Variants in USH2A observed in about 807,000 individuals in gnomAD.
USH2A encodes Usher syndrome 2A (autosomal recessive, mild).
USH2A carries 443 observed loss-of-function variants against 538.9 expected under a neutral mutation model. That is an observed-to-expected ratio of 0.82 (90% confidence interval 0.76 to 0.89). The LOEUF (loss-of-function observed/expected upper bound fraction) is 0.89, where lower values mean the gene tolerates loss of function less well. Ranked by LOEUF, USH2A falls within the 40% of genes least tolerant of loss-of-function variation. The probability of loss-of-function intolerance (pLI) is 0.00; values close to 1 mark genes in which losing one functional copy is unlikely to be tolerated. For missense variants in USH2A, 6,633 were observed against 6,324.8 expected, an observed-to-expected ratio of 1.05 and a Z score of -1.65; for synonymous variants, 2,413 against 2,273.5, an observed-to-expected ratio of 1.06 and a Z score of -1.75.
intron 32 of USH2A, among the ~76,000 whole-genome samples, chr1:216,016,931 G>T (rs940342421): frequency 6.6e-6 from 1 of 151,740 alleles, no homozygotes; most frequent in African/African-American, 2.4e-5. Flanking sequence ...GAAGGATGAT[G>T]CTTCTTCATT....
At chr1:216,339,208 T>C (rs2038029269) in intron 4 of USH2A, among the ~76,000 whole-genome samples, 1 of 151,562 alleles carries the variant, frequency 6.6e-6, no homozygotes, top group Non-Finnish European at 1.5e-5. Context: ...TCAAAATGGG[T>C]AATTCTCAGA....
chr1:216,128,469 A>G (rs1306434708), intron 21 of USH2A, among the ~76,000 whole-genome samples: 1 of 152,114 alleles, frequency 6.6e-6, no homozygotes, highest in African/African-American at 2.4e-5. Context: ...TGCCTTTCAT[A>G]TGATTACCCT....
chr1:216,414,470 T>A (rs1406093194), intron 3 of USH2A, among the ~76,000 whole-genome samples: 1 of 152,118 alleles, frequency 6.6e-6, no homozygotes, highest in Non-Finnish European at 1.5e-5. Context: ...TATGTCTGGA[T>A]TTCCTGACAT....
intron 35 of USH2A, among the ~76,000 whole-genome samples, chr1:215,986,539 AAAC>A (rs1267017502): frequency 1.3e-5 from 2 of 152,138 alleles, no homozygotes; most frequent in South Asian, 2.1e-4. Flanking sequence ...TGCAGAGCAC[AAAC>A]AAGACAAGTC....
chr1:215,692,173 A>C (rs1484382079), intron 61 of USH2A, among the ~76,000 whole-genome samples: 1 of 152,166 alleles, frequency 6.6e-6, no homozygotes, highest in East Asian at 1.9e-4. Context: ...TCGTCTTGAT[A>C]TGAGCCTTTT....
chr1:215,783,036 T>C (rs1004596255), intron 52 of USH2A, 101 bp from the exon 53 acceptor site: 1 of 1,083,752 alleles, frequency 9.2e-7, no homozygotes, highest in African/African-American at 1.6e-5. Context: ...TAAAAATAAA[T>C]GTTTAATGCT....
At chr1:216,394,735 T>TTTTTTTTTTTTTTTTTTTTTTTTTA (rs1558069161) in intron 3 of USH2A, among the ~76,000 whole-genome samples, 1 of 145,782 alleles carries the variant, frequency 6.9e-6, no homozygotes. Flanking sequence ...TTTTTTTTTT[T>TTTTTTTTTTTTTTTTTTTTTTTTTA]TGAGACAGAG....
intron 3 of USH2A, 126 bp downstream of exon 3, chr1:216,418,388 A>G: frequency 9.2e-7 from 1 of 1,091,066 alleles, no homozygotes; most frequent in Non-Finnish European, 1.3e-6. Context: ...TTTAGTTGTC[A>G]TTTATACACA....
chr1:216,141,332 T>C (rs574106605), intron 21 of USH2A, among the ~76,000 whole-genome samples: 1 of 152,336 alleles, frequency 6.6e-6, no homozygotes, highest in African/African-American at 2.4e-5. Flanking sequence ...GCAGTCTGCC[T>C]GCCAGGTGCT....
chr1:216,184,660 G>A (rs2034562063), intron 20 of USH2A, among the ~76,000 whole-genome samples: 1 of 151,700 alleles, frequency 6.6e-6, no homozygotes, highest in Non-Finnish European at 1.5e-5. Flanking sequence ...GAATAAAAAG[G>A]TAGAAAAATA....
rs1667304046 is a variant in USH2A at position 215,965,062 on chromosome 1, C to T, written c.7120+255G>A. Among the ~76,000 whole-genome samples the T allele has an allele frequency of 2.6e-5, 4 of 152,208 alleles. No individual in the cohort carries two copies. The South Asian group carries it at 8.3e-4, about 32-fold the overall frequency. On this transcript the variant is annotated intron_variant, in intron 37 of 71. Transcript: ENST00000307340. The stretch of plus-strand genomic sequence containing the variant: ...TGTTAGACCTTAGCCTCTAGAGTTT[C>T]TGATTCACTAGGCTGGGGCAGAAGC...
chr1:215,974,467 C>T (rs1206697120), intron 35 of USH2A, among the ~76,000 whole-genome samples: 1 of 152,104 alleles, frequency 6.6e-6, no homozygotes, highest in Non-Finnish European at 1.5e-5. Context: ...GCATAGTACC[C>T]AACAGTTAGA....
intron 47 of USH2A, among the ~76,000 whole-genome samples, chr1:215,834,976 A>G (rs1241033118): frequency 6.6e-6 from 1 of 151,226 alleles, no homozygotes; most frequent in Non-Finnish European, 1.5e-5. Context: ...TTTAATTTCC[A>G]TGAAGTTTTC....
At chr1:215,683,254 C>T (rs976165597) in intron 61 of USH2A, among the ~76,000 whole-genome samples, 15 of 11,202 alleles carry the variant, frequency 1.3e-3, no homozygotes, top group Admixed American at 3.6e-3. Context: ...CACACACACA[C>T]GCACACACAC....
intron 30 of USH2A, among the ~76,000 whole-genome samples, chr1:216,054,213 G>A (rs992605727): frequency 3.3e-5 from 5 of 152,148 alleles, no homozygotes; most frequent in Admixed American, 2.6e-4. Context: ...TCTCACTATA[G>A]GAGAGCCTGA....
At chr1:215,865,780 T>C (rs925030074) in intron 44 of USH2A, among the ~76,000 whole-genome samples, 1 of 152,228 alleles carries the variant, frequency 6.6e-6, no homozygotes, top group Non-Finnish European at 1.5e-5. Context: ...TTTGTAAAGA[T>C]GGATTATTTT....
chr1:215,980,172 A>G (rs1298853433), intron 35 of USH2A, among the ~76,000 whole-genome samples: 1 of 152,210 alleles, frequency 6.6e-6, no homozygotes, highest in Non-Finnish European at 1.5e-5. Context: ...AGTTTATGCT[A>G]AAGCAATAAT....
intron 56 of USH2A, among the ~76,000 whole-genome samples, chr1:215,762,340 G>A (rs1260154850): frequency 6.6e-6 from 1 of 152,106 alleles, no homozygotes; most frequent in East Asian, 1.9e-4. Context: ...AATCACCAAG[G>A]TACTAGAATG....
chr1:216,001,517 T>C (rs973559197), intron 32 of USH2A, among the ~76,000 whole-genome samples: 22 of 152,194 alleles, frequency 1.4e-4, no homozygotes, highest in African/African-American at 5.3e-4. Context: ...GAACACTTCA[T>C]TACACTTGGT....
Sources: gnomAD v4.1 joint callset for allele counts (sites outside exome capture counted in the v4.1 genomes callset) on GRCh38, gnomAD v4.1.1 for gene constraint, MANE v1.5 for transcripts, NCBI Gene and HGNC (gene_info 2026-07-23, HGNC 2026-07-21) for gene names.